The following ROBO2 variants were observed in gnomAD, a reference collection of about 807,000 sequenced individuals.
ROBO2 encodes roundabout guidance receptor 2.
ROBO2 carries 53 observed loss-of-function variants against 160.8 expected under a neutral mutation model. That is an observed-to-expected ratio of 0.33 (90% CI 0.26 to 0.41). The LOEUF is 0.41. Ranked by LOEUF, ROBO2 falls within the 10% of genes least tolerant of loss-of-function variation. The probability of loss-of-function intolerance (pLI) is 1.00; values close to 1 mark genes in which losing one functional copy is unlikely to be tolerated. For synonymous variants in ROBO2, 664 were observed against 611.7 expected (o/e 1.09, Z -1.26); for missense variants, 1,577 against 1,722.4 (o/e 0.92, Z 1.49).
intron 2 of ROBO2, among the ~76,000 whole-genome samples, chr3:76,274,604 C>T (rs538577581): frequency 7.5e-4 from 114 of 151,842 alleles, no homozygotes; most frequent in Non-Finnish European, 1.3e-3. Flanking sequence ...TTTGGGAGGC[C>T]GAGGTGGGTG....
intron 2 of ROBO2, among the ~76,000 whole-genome samples, chr3:76,037,612 G>A (rs1280537148): frequency 6.6e-6 from 1 of 151,904 alleles, no homozygotes; most frequent in African/African-American, 2.4e-5. Context: ...AATGTTTTCT[G>A]TGTATCAAGC....
intron 2 of ROBO2, among the ~76,000 whole-genome samples, chr3:76,147,425 TA>T (rs1478561634): frequency 6.6e-6 from 1 of 151,992 alleles, no homozygotes; most frequent in Non-Finnish European, 1.5e-5. Context: ...TGCATACGCA[TA>T]TTTTGTTTCT....
intron 2 of ROBO2, among the ~76,000 whole-genome samples, chr3:76,081,428 A>T (rs1210163066): frequency 1.3e-5 from 2 of 152,170 alleles, no homozygotes; most frequent in Admixed American, 6.6e-5. Context: ...AATATTTGAT[A>T]ATATGAGTTT....
chr3:77,437,394 G>A (rs1385087123), intron 2 of ROBO2, among the ~76,000 whole-genome samples: 1 of 151,570 alleles, frequency 6.6e-6, no homozygotes, highest in East Asian at 1.9e-4. Context: ...ATGTGTCTAG[G>A]GTTACCTATT....
intron 2 of ROBO2, among the ~76,000 whole-genome samples, chr3:76,383,868 ACT>A (rs1362602108): frequency 2.6e-5 from 4 of 152,164 alleles, no homozygotes; most frequent in African/African-American, 7.2e-5. Context: ...TACATGAGAG[ACT>A]CTGAATTTTC....
At chr3:76,261,207 T>TG (rs1706737476) in intron 2 of ROBO2, among the ~76,000 whole-genome samples, 1 of 64,554 alleles carries the variant, frequency 1.5e-5, no homozygotes, top group Non-Finnish European at 5.1e-5. Context: ...TGTGTGTATA[T>TG]ATATATATAA....
chr3:77,386,603 A>ATTTTTTTTTTTTTTTTTTT (rs71104679), intron 2 of ROBO2, among the ~76,000 whole-genome samples: 2,420 of 91,638 alleles, frequency 0.026, 359 homozygotes, highest in Non-Finnish European at 0.032. Flanking sequence ...CAGCCAGGTA[A>ATTTTTTTTTTTTTTTTTTT]TTTTTTTTTT....
chr3:76,280,829 A>G (rs1708191344), intron 2 of ROBO2, among the ~76,000 whole-genome samples: 1 of 151,902 alleles, frequency 6.6e-6, no homozygotes, highest in Non-Finnish European at 1.5e-5. Context: ...TCAAAATTCC[A>G]TCAAGTAAGT....
chr3:77,331,831 G>A (rs983097653), intron 2 of ROBO2, among the ~76,000 whole-genome samples: 1 of 151,936 alleles, frequency 6.6e-6, no homozygotes, highest in Non-Finnish European at 1.5e-5. Flanking sequence ...TCAGCCTCCC[G>A]AGTAGCTGGG....
At chr3:76,233,816 G>T (rs1242519348) in intron 2 of ROBO2, among the ~76,000 whole-genome samples, 2 of 151,978 alleles carry the variant, frequency 1.3e-5, no homozygotes, top group African/African-American at 2.4e-5. Flanking sequence ...TTGTTATTTT[G>T]TTTTTAACTT....
intron 2 of ROBO2, among the ~76,000 whole-genome samples, chr3:76,388,036 G>A (rs1251211477): frequency 6.6e-6 from 1 of 152,084 alleles, no homozygotes; most frequent in Non-Finnish European, 1.5e-5. Flanking sequence ...TCAGTTAAGA[G>A]TTTCTTCCGG....
At chr3:76,284,609 A>G (rs937743428) in intron 2 of ROBO2, among the ~76,000 whole-genome samples, 2 of 151,972 alleles carry the variant, frequency 1.3e-5, no homozygotes, top group Non-Finnish European at 2.9e-5. Flanking sequence ...ATTTCATACT[A>G]TTTTTCAATT....
intron 2 of ROBO2, among the ~76,000 whole-genome samples, chr3:76,984,723 T>A (rs903465178): frequency 3.9e-5 from 6 of 151,976 alleles, no homozygotes; most frequent in African/African-American, 1.5e-4. Flanking sequence ...AAGTAGATTA[T>A]AAGAGAATCA....
chr3:77,370,309 T>C (rs2071551036), intron 2 of ROBO2, among the ~76,000 whole-genome samples: 1 of 152,216 alleles, frequency 6.6e-6, no homozygotes, highest in Non-Finnish European at 1.5e-5. Flanking sequence ...ATTCACATTT[T>C]GATACATCTC....
chr3:76,000,301 C>T (rs568555526), intron 2 of ROBO2, among the ~76,000 whole-genome samples: 2 of 152,098 alleles, frequency 1.3e-5, no homozygotes, highest in East Asian at 1.9e-4. Context: ...GGTTTGTATA[C>T]TTAAGTTCTT....
chr3:77,025,654 T>C (rs1445784627), intron 2 of ROBO2, among the ~76,000 whole-genome samples: 7 of 152,208 alleles, frequency 4.6e-5, no homozygotes, highest in Non-Finnish European at 8.8e-5. Flanking sequence ...AAAAATCTCC[T>C]GGGTGGTATC....
At chr3:76,161,338 G>C (rs1208831426) in intron 2 of ROBO2, among the ~76,000 whole-genome samples, 1 of 152,132 alleles carries the variant, frequency 6.6e-6, no homozygotes, top group Non-Finnish European at 1.5e-5. Flanking sequence ...AGCTATTTTT[G>C]TGTCTTAGGG....
intron 24 of ROBO2, among the ~76,000 whole-genome samples, chr3:77,637,768 A>G (rs1293681961): frequency 6.6e-6 from 1 of 152,214 alleles, no homozygotes; most frequent in Non-Finnish European, 1.5e-5. Context: ...AATATTCAGA[A>G]TATGTGGAAG....
chr3:77,248,013 G>A (rs1055047999), intron 2 of ROBO2, among the ~76,000 whole-genome samples: 2 of 151,416 alleles, frequency 1.3e-5, no homozygotes, highest in Middle Eastern at 3.4e-3. Flanking sequence ...CCCCACCCCC[G>A]TCCTGTGCCT....
Sources: allele counts gnomAD v4.1 joint callset (sites outside exome capture counted in the v4.1 genomes callset), GRCh38; gene constraint gnomAD v4.1.1; transcripts MANE v1.5; gene names NCBI Gene and HGNC (gene_info 2026-07-23, HGNC 2026-07-21).